SNAP91: variants seen among roughly 807,000 people sequenced by gnomAD.
SNAP91 encodes clathrin coat assembly protein AP180.
SNAP91 carries 27 observed loss-of-function variants against 100.3 expected under a neutral mutation model. The observed-to-expected ratio is 0.27, with a 90% CI of 0.20 to 0.37. The LOEUF is 0.37. Among genes scored for constraint, SNAP91 ranks in the 10% least tolerant of loss-of-function variants. SNAP91 has a pLI of 1.00. For missense variants in SNAP91, 986 were observed against 1,123.7 expected, an observed-to-expected ratio of 0.88 and a Z score of 1.75; for synonymous variants, 404 against 398.6, an observed-to-expected ratio of 1.01 and a Z score of -0.16.
intron 8 of SNAP91, among the ~76,000 whole-genome samples, chr6:83,635,280 T>A (rs2097384995): frequency 6.6e-6 from 1 of 152,198 alleles, no homozygotes; most frequent in African/African-American, 2.4e-5. Flanking sequence ...CTGTCTTTTA[T>A]TAGGTCAAGA....
At chr6:83,593,779 TA>T in intron 17 of SNAP91, 38 bp from the exon 18 acceptor site, 1 of 1,525,410 alleles carries the variant, frequency 6.6e-7, no homozygotes. Flanking sequence ...ACAGCATCAG[TA>T]AGGAAAGAGA....
intron 26 of SNAP91, among the ~76,000 whole-genome samples, chr6:83,568,426 A>T (rs1048689039): frequency 2.0e-5 from 3 of 152,026 alleles, no homozygotes. Flanking sequence ...GCACACCAAC[A>T]TGGCACATGT....
chr6:83,593,405 A>G (rs2094063533), intron 18 of SNAP91, 73 bp downstream of exon 18: 18 of 1,532,090 alleles, frequency 1.2e-5, no homozygotes, highest in Non-Finnish European at 1.6e-5. Context: ...CACAGTCTTC[A>G]TGCAGTACAT....
At chr6:83,611,829 T>C (rs986173125) in intron 11 of SNAP91, among the ~76,000 whole-genome samples, 40 of 149,790 alleles carry the variant, frequency 2.7e-4, no homozygotes, top group African/African-American at 9.6e-4. Flanking sequence ...CCCAAGTAGC[T>C]GGGACTACAG....
chr6:83,671,608 A>C (rs2098787820), intron 2 of SNAP91, among the ~76,000 whole-genome samples: 1 of 152,020 alleles, frequency 6.6e-6, no homozygotes, highest in South Asian at 2.1e-4. Flanking sequence ...TGGTAGTTTG[A>C]AGCAATTGAA....
chr6:83,627,503 T>C (rs2096988410), intron 8 of SNAP91, among the ~76,000 whole-genome samples: 1 of 152,010 alleles, frequency 6.6e-6, no homozygotes, highest in African/African-American at 2.4e-5. Context: ...CTTAGTAGGT[T>C]TTTTTACTAC....
At chr6:83,638,438 C>T (rs1328934219) in intron 8 of SNAP91, among the ~76,000 whole-genome samples, 11 of 152,000 alleles carry the variant, frequency 7.2e-5, no homozygotes, top group Non-Finnish European at 1.6e-4. Context: ...TGATGCTTCC[C>T]TAAAGCCACT....
At chr6:83,588,367 G>A (rs2093160285) in intron 22 of SNAP91, among the ~76,000 whole-genome samples, 1 of 152,216 alleles carries the variant, frequency 6.6e-6, no homozygotes, top group African/African-American at 2.4e-5. Flanking sequence ...TGCAGTAGAA[G>A]AAATGGAAAG....
chr6:83,587,342 G>A (rs904241701), intron 22 of SNAP91, among the ~76,000 whole-genome samples: 2 of 152,144 alleles, frequency 1.3e-5, no homozygotes, highest in African/African-American at 4.8e-5. Context: ...TCCCATGACA[G>A]TGTCTGCATA....
At chr6:83,591,623 CAG>C (rs1180038209) in intron 21 of SNAP91, among the ~76,000 whole-genome samples, 2 of 151,854 alleles carry the variant, frequency 1.3e-5, no homozygotes, top group Non-Finnish European at 1.5e-5. Flanking sequence ...GGTAATAAAA[CAG>C]AATTTTTCCA....
chr6:83,647,006 G>A (rs1218332400), intron 7 of SNAP91, among the ~76,000 whole-genome samples: 1 of 151,702 alleles, frequency 6.6e-6, no homozygotes, highest in South Asian at 2.1e-4. Flanking sequence ...TAGTATATCA[G>A]AAAGCCACTG....
intron 2 of SNAP91, among the ~76,000 whole-genome samples, chr6:83,703,248 A>C (rs1302051553): frequency 6.6e-6 from 1 of 152,012 alleles, no homozygotes; most frequent in African/African-American, 2.4e-5. Flanking sequence ...TCTCAAATTC[A>C]AAGTTACTCT....
intron 25 of SNAP91, 76 bp downstream of exon 25, chr6:83,575,947 G>C (rs1817989103): frequency 1.3e-6 from 1 of 745,438 alleles, no homozygotes; most frequent in African/African-American, 1.9e-5. Flanking sequence ...TTACTCCAAT[G>C]AGTAAAATGG....
chr6:83,686,209 C>T, intron 2 of SNAP91: 1 of 985,244 alleles, frequency 1.0e-6, no homozygotes, highest in Non-Finnish European at 1.2e-6. Flanking sequence ...TACTTGAGTT[C>T]TTCCTGCACC....
chr6:83,602,027 A>G (rs2095279790), intron 14 of SNAP91, among the ~76,000 whole-genome samples: 1 of 152,206 alleles, frequency 6.6e-6, no homozygotes. Context: ...CACTTTAAGC[A>G]TGTATAAAAA....
At position 83,658,061 on chromosome 6, in the gene SNAP91, C is replaced by G. The variant is rs184865863; in HGVS notation, c.546+938G>C. Among the ~76,000 whole-genome samples, 24 of 151,522 alleles carry G rather than the reference C, an allele frequency of 1.6e-4. 1 individual carries two copies. The South Asian group carries it at 1.7e-3, about 11-fold the overall frequency. The stretch of plus-strand genomic sequence containing the variant: ...GCCTCCCAAAGTTTGGGATTACAGG[C>G]GTGAGCCATGCCCAGCCTCAAGATT... On this transcript the variant is annotated intron_variant, in intron 6 of 29. Coordinates refer to ENST00000369694, the MANE Select transcript of SNAP91 (RefSeq NM_001242792.2).
intron 2 of SNAP91, among the ~76,000 whole-genome samples, chr6:83,694,786 T>A (rs2099174452): frequency 6.6e-6 from 1 of 152,128 alleles, no homozygotes; most frequent in Non-Finnish European, 1.5e-5. Context: ...TGCCTTTTCC[T>A]CATATTGGTT....
chr6:83,688,634 G>C (rs2099092969), intron 2 of SNAP91, among the ~76,000 whole-genome samples: 1 of 152,122 alleles, frequency 6.6e-6, no homozygotes. Flanking sequence ...CTCCTGAGGA[G>C]CTGGGACTAC....
intron 8 of SNAP91, among the ~76,000 whole-genome samples, chr6:83,624,851 T>C (rs544208373): frequency 6.6e-6 from 1 of 152,242 alleles, no homozygotes; most frequent in African/African-American, 2.4e-5. Flanking sequence ...CAGACTTTAC[T>C]TTTTCTGCAA....
Sources: gnomAD v4.1 joint callset for allele counts (sites outside exome capture counted in the v4.1 genomes callset) on GRCh38, gnomAD v4.1.1 for gene constraint, MANE v1.5 for transcripts, NCBI Gene and HGNC (gene_info 2026-07-23, HGNC 2026-07-21) for gene names.